COL25A1: variants seen among roughly 807,000 people sequenced by gnomAD.
COL25A1 encodes collagen type XXV alpha 1 chain, also known as collagen alpha-1(XXV) chain.
In COL25A1, 103 loss-of-function variants were observed where a neutral mutation model predicts 128.4. The ratio of observed to expected loss-of-function variants is 0.80; its 90% confidence interval spans 0.68 to 0.94. The LOEUF (loss-of-function observed/expected upper bound fraction) is 0.94, where lower values mean the gene tolerates loss of function less well. COL25A1 is among the 40% of genes least tolerant of loss of function. COL25A1 has a pLI of 0.00. For synonymous variants in COL25A1, 279 were observed against 277.2 expected, an observed-to-expected ratio of 1.01 and a Z score of -0.06; for missense variants, 745 against 840.0, an observed-to-expected ratio of 0.89 and a Z score of 1.40.
At chr4:109,000,780 A>T (rs1484509976) in intron 6 of COL25A1, among the ~76,000 whole-genome samples, 56 of 144,648 alleles carry the variant, frequency 3.9e-4, no homozygotes, top group African/African-American at 1.4e-3. Context: ...AAAAAACTAT[A>T]CACATAACAC....
chr4:109,238,229 C>T lies in COL25A1; in HGVS notation c.367+62354G>A, dbSNP rs1303289818. 2.0e-5 allele frequency among the ~76,000 whole-genome samples: 3 copies of T among 152,084 alleles called. No homozygotes were observed. In the East Asian group the frequency reaches 5.8e-4, roughly 29 times the overall value. ...TAATTCTGTTTTTAATATTTTGGTA[C>T]ACTTTTATTATTGGGCTTAGATTTT... On this transcript the variant is annotated intron_variant, in intron 3 of 37. Coordinates refer to ENST00000399132, the MANE Select transcript of COL25A1 (RefSeq NM_198721.4).
At chr4:109,301,130 A>T (rs1011580508) in intron 2 of COL25A1, among the ~76,000 whole-genome samples, 2 of 152,002 alleles carry the variant, frequency 1.3e-5, no homozygotes, top group African/African-American at 4.8e-5. Flanking sequence ...CATAACATAG[A>T]TTCCTCTCAA....
rs1253058871 is a variant in COL25A1 at position 109,300,567 on chromosome 4, A to G, written c.367+16T>C. ...TCTGCTCTGGAGGAAACCTTGTTAA[A>G]TAAGTTCCATTTTACCTGCTGGGCA... On this transcript the variant is annotated intron_variant, in intron 3 of 37. Transcript: ENST00000399132. 6.3e-7 allele frequency: 1 copy of G among 1,575,620 alleles called. No individual in the cohort carries two copies. The highest frequency in any genetic ancestry group is 1.3e-5 in the African/African-American group (1 of 74,308).
chr4:109,191,781 A>G (rs750737535), intron 3 of COL25A1, among the ~76,000 whole-genome samples: 1 of 152,232 alleles, frequency 6.6e-6, no homozygotes, highest in Non-Finnish European at 1.5e-5. Flanking sequence ...AAAGGCATCT[A>G]AGTACCTCAT....
intron 8 of COL25A1, among the ~76,000 whole-genome samples, chr4:108,959,109 A>G (rs1444273616): frequency 6.6e-6 from 1 of 152,068 alleles, no homozygotes; most frequent in Non-Finnish European, 1.5e-5. Flanking sequence ...CAATGCCAAC[A>G]GAAACTGCAT....
chr4:109,012,436 C>A (rs1756696351), intron 5 of COL25A1, among the ~76,000 whole-genome samples: 1 of 152,200 alleles, frequency 6.6e-6, no homozygotes, highest in South Asian at 2.1e-4. Context: ...CTGGCCAAGG[C>A]CGGAGCTGGC....
chr4:109,284,267 A>G (rs1193882064), intron 3 of COL25A1, among the ~76,000 whole-genome samples: 1 of 152,196 alleles, frequency 6.6e-6, no homozygotes, highest in African/African-American at 2.4e-5. Context: ...TCTACTAAAA[A>G]TACAAAAATT....
intron 5 of COL25A1, among the ~76,000 whole-genome samples, chr4:109,013,667 C>G (rs1756910656): frequency 6.6e-6 from 1 of 151,918 alleles, no homozygotes; most frequent in South Asian, 2.1e-4. Context: ...AAGGAATGAA[C>G]AACTCCAGAC....
chr4:108,973,284 A>G (rs1578942408), intron 8 of COL25A1, among the ~76,000 whole-genome samples: 2 of 152,348 alleles, frequency 1.3e-5, no homozygotes, highest in South Asian at 4.1e-4. Flanking sequence ...GAAGCTAGTC[A>G]TCAGCCAGAG....
chr4:108,849,935 A>C (rs1426423475), intron 26 of COL25A1, among the ~76,000 whole-genome samples: 16 of 152,190 alleles, frequency 1.1e-4, no homozygotes. Context: ...CAAATGAAGC[A>C]AGAAAAGCGG....
At chr4:109,025,158 C>A (rs1389563165) in intron 5 of COL25A1, among the ~76,000 whole-genome samples, 1 of 152,196 alleles carries the variant, frequency 6.6e-6, no homozygotes, top group Non-Finnish European at 1.5e-5. Flanking sequence ...TTTTCACCAG[C>A]TGGCATGGAA....
At chr4:108,991,164 AG>A (rs1754191147) in intron 6 of COL25A1, among the ~76,000 whole-genome samples, 1 of 152,230 alleles carries the variant, frequency 6.6e-6, no homozygotes, top group South Asian at 2.1e-4. Context: ...TGTTGGACTA[AG>A]TTAATTATTC....
intron 8 of COL25A1, among the ~76,000 whole-genome samples, chr4:108,962,509 G>T (rs1750844389): frequency 6.6e-6 from 1 of 151,986 alleles, no homozygotes; most frequent in African/African-American, 2.4e-5. Context: ...AATTACTTTA[G>T]GCCTGAAGCT....
rs531329912 is a variant in COL25A1, at chr4:109,089,697, C to T, written c.368-39518G>A. ...CTCGGCTCACTGAAACCTCTGCCTCCTGAACTCAAGTGATTCTCCCAGTTA... is the reference window on the plus strand; with the variant it reads ...CTCGGCTCACTGAAACCTCTGCCTCTTGAACTCAAGTGATTCTCCCAGTTA... On this transcript the variant is annotated intron_variant, in intron 3 of 37. Coordinates refer to ENST00000399132, the MANE Select transcript of COL25A1 (RefSeq NM_198721.4). 5.3e-4 allele frequency among the ~76,000 whole-genome samples: 81 copies of T among 152,250 alleles called. 1 individual carries two copies. The highest frequency in any genetic ancestry group is 1.9e-3 in the African/African-American group (78 of 41,530).
intron 19 of COL25A1, among the ~76,000 whole-genome samples, chr4:108,880,669 G>A (rs943214941): frequency 1.3e-5 from 2 of 152,148 alleles, no homozygotes; most frequent in African/African-American, 4.8e-5. Flanking sequence ...ATCTTATGAG[G>A]AAACTGAAGT....
intron 8 of COL25A1, among the ~76,000 whole-genome samples, chr4:108,965,321 T>C (rs1373103278): frequency 6.6e-6 from 1 of 152,200 alleles, no homozygotes; most frequent in Non-Finnish European, 1.5e-5. Flanking sequence ...TGTTGGCTGA[T>C]GATGTCGAGA....
Position 109,301,753 on chromosome 4 carries a change from C to A in COL25A1, c.267G>T (p.Val89=), listed in dbSNP as rs1194710696. 8 of 1,614,188 alleles carry A rather than the reference C, an allele frequency of 5.0e-6. No homozygotes were observed. The highest frequency in any genetic ancestry group is 4.2e-6 in the Non-Finnish European group (5 of 1,180,002). The change falls in exon 2 of 38, where the codon GTG becomes GTT. Residue 89 remains valine, a synonymous_variant. Transcript: ENST00000399132. The stretch of plus-strand genomic sequence containing the variant: ...CCAGAAGTCGCTCCACTTTCTCTTG[C>A]ACCATAGTCTTGAGGTGATCCAGGG... ...PDTLDHLKTM[V]QEKVERLLAQ... is the part of the protein sequence containing the mutation.
intron 16 of COL25A1, among the ~76,000 whole-genome samples, chr4:108,894,637 G>C (rs1176735358): frequency 6.6e-6 from 1 of 152,128 alleles, no homozygotes; most frequent in East Asian, 1.9e-4. Context: ...GAGTTGAGTA[G>C]CTGTGACAGA....
chr4:109,231,329 A>C (rs931306019), intron 3 of COL25A1, among the ~76,000 whole-genome samples: 4 of 152,062 alleles, frequency 2.6e-5, no homozygotes, highest in African/African-American at 9.7e-5. Context: ...TGACAAACTA[A>C]TCTACACATT....
Sources: allele counts gnomAD v4.1 joint callset (sites outside exome capture counted in the v4.1 genomes callset), GRCh38; gene constraint gnomAD v4.1.1; transcripts MANE v1.5; gene names NCBI Gene and HGNC (gene_info 2026-07-23, HGNC 2026-07-21).